The following MAP3K5 variants were observed in gnomAD, a reference collection of about 807,000 sequenced individuals.
MAP3K5 encodes the protein ASK-1.
A neutral mutation model predicts 158.7 loss-of-function variants in MAP3K5; 56 were observed. The ratio of observed to expected loss-of-function variants is 0.35; its 90% CI spans 0.28 to 0.44. MAP3K5 has a LOEUF of 0.44. MAP3K5 is among the 20% of genes least tolerant of loss of function. The probability of loss-of-function intolerance (pLI) is 1.00; values close to 1 mark genes in which losing one functional copy is unlikely to be tolerated. For synonymous variants in MAP3K5, 579 were observed against 601.7 expected, an observed-to-expected ratio of 0.96 and a Z score of 0.55; for missense variants, 1,294 against 1,674.8, an observed-to-expected ratio of 0.77 and a Z score of 3.97.
intron 2 of MAP3K5, among the ~76,000 whole-genome samples, chr6:136,710,094 C>A (rs1005837939): frequency 1.3e-5 from 2 of 152,094 alleles, no homozygotes; most frequent in African/African-American, 2.4e-5. Flanking sequence ...TTTAATGGAG[C>A]AAAGGTACTG....
chr6:136,663,558 A>G (rs1427909795), intron 8 of MAP3K5, among the ~76,000 whole-genome samples: 1 of 151,610 alleles, frequency 6.6e-6, no homozygotes, highest in African/African-American at 2.4e-5. Context: ...CCAGAATCCA[A>G]TCAAGGAACA....
intron 29 of MAP3K5, among the ~76,000 whole-genome samples, chr6:136,558,466 C>A (rs1830351606): frequency 6.6e-6 from 1 of 152,016 alleles, no homozygotes; most frequent in African/African-American, 2.4e-5. Context: ...CAAGTCAGCA[C>A]CTCCTCCAAA....
chr6:136,622,991 GA>G lies in MAP3K5; in HGVS notation c.2017-11del. 6.2e-7 allele frequency: 1 copy of G among 1,608,356 alleles called. No homozygotes were observed. The highest frequency in any genetic ancestry group is 8.5e-7 in the Non-Finnish European group (1 of 1,178,300). On this transcript the variant is annotated splice_polypyrimidine_tract_variant and intron_variant, in intron 14 of 29. Transcript: ENST00000359015. Reference sequence around the variant, plus strand: ...CATATTCATAGTCATACTACAAAAGGAAAAACGGGGAGAAAAGATCAAAACA... The same window carrying G: ...CATATTCATAGTCATACTACAAAAGGAAAACGGGGAGAAAAGATCAAAACA...
intron 3 of MAP3K5, among the ~76,000 whole-genome samples, chr6:136,703,855 T>G (rs1285544859): frequency 1.3e-5 from 2 of 152,214 alleles, no homozygotes; most frequent in African/African-American, 2.4e-5. Flanking sequence ...TATTGTTAAT[T>G]TTGTCGTCTT....
chr6:136,757,579 ATTTTTTATT>A (rs1783552673), intron 1 of MAP3K5, among the ~76,000 whole-genome samples: 1 of 111,972 alleles, frequency 8.9e-6, no homozygotes, highest in African/African-American at 3.2e-5. Context: ...TTATTTATTT[ATTTTTTATT>A]TTTTTTTTTT....
chr6:136,754,303 G>T (rs570699977), intron 1 of MAP3K5, among the ~76,000 whole-genome samples: 331 of 152,002 alleles, frequency 2.2e-3, no homozygotes, highest in African/African-American at 7.5e-3. Context: ...CCCAGGCTGG[G>T]TGCAGTGGCT....
chr6:136,628,391 T>A (rs544311906), intron 14 of MAP3K5, among the ~76,000 whole-genome samples: 25 of 151,594 alleles, frequency 1.6e-4, no homozygotes, highest in African/African-American at 6.1e-4. Flanking sequence ...GGAGTACAGG[T>A]GGGAGCCATC....
At chr6:136,762,250 A>G (rs985733499) in intron 1 of MAP3K5, among the ~76,000 whole-genome samples, 1 of 152,220 alleles carries the variant, frequency 6.6e-6, no homozygotes, top group African/African-American at 2.4e-5. Flanking sequence ...AGAGAGGTAA[A>G]TGGGAAGGGA....
At chr6:136,719,095 G>A (rs760732955) in intron 2 of MAP3K5, among the ~76,000 whole-genome samples, 1 of 152,170 alleles carries the variant, frequency 6.6e-6, no homozygotes, top group Non-Finnish European at 1.5e-5. Flanking sequence ...AGGATCACTT[G>A]AACGCAGGAG....
chr6:136,776,880 T>C (rs1247914094), intron 1 of MAP3K5, among the ~76,000 whole-genome samples: 2 of 152,184 alleles, frequency 1.3e-5, no homozygotes, highest in African/African-American at 4.8e-5. Context: ...ATCTGCAAAA[T>C]GACATTCTAA....
At chr6:136,627,801 C>T (rs1195712667) in intron 14 of MAP3K5, among the ~76,000 whole-genome samples, 2 of 152,188 alleles carry the variant, frequency 1.3e-5, no homozygotes, top group African/African-American at 4.8e-5. Context: ...AATTACCCAG[C>T]CTAAGGCATT....
Position 136,637,383 on chromosome 6 carries a change from A to G in MAP3K5, c.1958T>C (p.Ile653Thr). ...CKKFFEMVNTITEEKGRSTEE... is the reference protein window; with the variant it reads ...CKKFFEMVNTTTEEKGRSTEE... Reference sequence around the variant, plus strand: ...TGTGCTTCTCCCCTTCTCTTCGGTAATGGTGTTCACCATCTCAAAAAACCT... The same window carrying G: ...TGTGCTTCTCCCCTTCTCTTCGGTAGTGGTGTTCACCATCTCAAAAAACCT... The change falls in exon 14 of 30, where the codon ATT becomes ACT. Residue 653 changes from isoleucine to threonine, a missense_variant. Transcript: ENST00000359015. The G allele has an allele frequency of 6.2e-7, 1 of 1,610,040 alleles. No homozygotes were observed. The highest frequency in any genetic ancestry group is 1.1e-5 in the South Asian group (1 of 90,986).
At chr6:136,667,442 G>A (rs771794785) in intron 8 of MAP3K5, among the ~76,000 whole-genome samples, 3 of 152,058 alleles carry the variant, frequency 2.0e-5, no homozygotes, top group Non-Finnish European at 4.4e-5. Context: ...ATTTCAGGCT[G>A]GGCAAGGTGG....
At position 136,722,824 on chromosome 6, in the gene MAP3K5, C is replaced by A. The variant is rs1391890927; in HGVS notation, c.449-2235G>T. ...GCCTCAGCCTCCTGAGTAGCTGGGA[C>A]TACAGGCATGTGTCACCATGCCTGG... On this transcript the variant is annotated intron_variant, in intron 1 of 29. Transcript: ENST00000359015. 2.0e-5 allele frequency among the ~76,000 whole-genome samples: 3 copies of A among 151,824 alleles called. No homozygotes were observed. The East Asian group carries it at 5.8e-4, about 29-fold the overall frequency.
At chr6:136,635,332 C>T (rs974587245) in intron 14 of MAP3K5, among the ~76,000 whole-genome samples, 1 of 151,884 alleles carries the variant, frequency 6.6e-6, no homozygotes, top group South Asian at 2.1e-4. Flanking sequence ...CAAACGAGCC[C>T]TGAAGTAGGA....
At chr6:136,639,756 G>A (rs1777831256) in intron 12 of MAP3K5, 118 bp from the exon 13 acceptor site, 1 of 597,952 alleles carries the variant, frequency 1.7e-6, no homozygotes, top group African/African-American at 1.9e-5. Flanking sequence ...TTTATAACAA[G>A]AAGTTATAAA....
chr6:136,638,976 T>C lies in MAP3K5; in HGVS notation c.1934+567A>G, dbSNP rs1412764216. 2.0e-5 allele frequency among the ~76,000 whole-genome samples: 3 copies of C among 152,170 alleles called. No homozygotes were observed. In the South Asian group the frequency reaches 6.2e-4, roughly 32 times the overall value. On this transcript the variant is annotated intron_variant, in intron 13 of 29. Coordinates refer to ENST00000359015, the MANE Select transcript of MAP3K5 (RefSeq NM_005923.4). ...TTTAATTATTAGCCCAAGAGAAACATACAATGGAGAAAAACACAAACATAC... is the reference window on the plus strand; with the variant it reads ...TTTAATTATTAGCCCAAGAGAAACACACAATGGAGAAAAACACAAACATAC...
intron 1 of MAP3K5, among the ~76,000 whole-genome samples, chr6:136,731,862 A>G (rs948828453): frequency 2.0e-5 from 3 of 152,248 alleles, no homozygotes; most frequent in African/African-American, 4.8e-5. Context: ...ACAATCAGTA[A>G]GGAAAGCAAG....
intron 14 of MAP3K5, among the ~76,000 whole-genome samples, chr6:136,623,533 G>A (rs533343198): frequency 5.9e-5 from 9 of 152,134 alleles, no homozygotes; most frequent in Non-Finnish European, 1.0e-4. Flanking sequence ...ATTTTTTTAA[G>A]TGAAAAATAG....
Sources: allele counts gnomAD v4.1 joint callset (sites outside exome capture counted in the v4.1 genomes callset), GRCh38; gene constraint gnomAD v4.1.1; transcripts MANE v1.5; gene names NCBI Gene and HGNC (gene_info 2026-07-23, HGNC 2026-07-21).